The following EDIL3 variants were observed in gnomAD, a reference collection of about 807,000 sequenced individuals.
EDIL3 encodes the protein EGF like and discoidin domains 3, also known as EGF-like repeat and discoidin I-like domain-containing protein 3.
A neutral mutation model predicts 67.4 loss-of-function variants in EDIL3; 37 were observed. That is an observed-to-expected ratio of 0.55 (90% CI 0.42 to 0.72). The LOEUF (loss-of-function observed/expected upper bound fraction) is 0.72, where lower values mean the gene tolerates loss of function less well. EDIL3 is among the 30% of genes least tolerant of loss of function. EDIL3 has a pLI of 0.00. For missense variants in EDIL3, 527 were observed against 586.3 expected, an observed-to-expected ratio of 0.90 and a Z score of 1.04; for synonymous variants, 195 against 196.3, an observed-to-expected ratio of 0.99 and a Z score of 0.05.
chr5:84,005,881 A>C (rs1394324089), intron 9 of EDIL3, among the ~76,000 whole-genome samples: 4 of 151,942 alleles, frequency 2.6e-5, no homozygotes, highest in African/African-American at 9.7e-5. Context: ...AAGTTAAACT[A>C]TCTCTCCTCG....
Position 84,143,315 on chromosome 5 carries a change from G to T in EDIL3, c.356-5961C>A, listed in dbSNP as rs117149117. 2.6e-4 allele frequency among the ~76,000 whole-genome samples: 40 copies of T among 151,960 alleles called. 2 individuals carry two copies. The East Asian group carries it at 7.6e-3, about 29-fold the overall frequency. ...TATTACTAGTAATTCATTTTAAAGTGGCTAATTAAAATCAGCATTATTCAG... is the reference window on the plus strand; with the variant it reads ...TATTACTAGTAATTCATTTTAAAGTTGCTAATTAAAATCAGCATTATTCAG... On this transcript the variant is annotated intron_variant, in intron 4 of 10. Transcript: ENST00000296591.
chr5:83,976,725 A>G (rs2112144124), intron 9 of EDIL3, among the ~76,000 whole-genome samples: 1 of 151,768 alleles, frequency 6.6e-6, no homozygotes, highest in South Asian at 2.1e-4. Context: ...CTCCCCACCA[A>G]GTATACTCAA....
chr5:84,060,495 A>G lies in EDIL3; in HGVS notation c.953-11T>C, dbSNP rs777020160. Reference sequence around the variant, plus strand: ...GAGGCTCAGAACAACCTGAAAGAAAATGAGAAGGGCTCCATGAGAAAAATA... The same window carrying G: ...GAGGCTCAGAACAACCTGAAAGAAAGTGAGAAGGGCTCCATGAGAAAAATA... On this transcript the variant is annotated splice_polypyrimidine_tract_variant and intron_variant, in intron 8 of 10. Coordinates refer to ENST00000296591, the MANE Select transcript of EDIL3 (RefSeq NM_005711.5). 1.2e-6 allele frequency: 2 copies of G among 1,612,772 alleles called. No individual in the cohort carries two copies. The highest frequency in any genetic ancestry group is 1.3e-5 in the African/African-American group (1 of 74,962).
At chr5:83,943,653 C>T (rs1184287098) in intron 10 of EDIL3, 85 bp from the exon 11 acceptor site, 5 of 1,490,482 alleles carry the variant, frequency 3.4e-6, no homozygotes, top group Non-Finnish European at 4.5e-6. Context: ...AACATTTTCC[C>T]CAAACATGAT....
intron 9 of EDIL3, among the ~76,000 whole-genome samples, chr5:83,968,831 G>A (rs1041976464): frequency 6.6e-6 from 1 of 151,852 alleles, no homozygotes; most frequent in Non-Finnish European, 1.5e-5. Flanking sequence ...TTTTCACTGA[G>A]AATGGGAGGT....
chr5:84,239,116 C>T (rs969756038), intron 2 of EDIL3, among the ~76,000 whole-genome samples: 1 of 152,094 alleles, frequency 6.6e-6, no homozygotes, highest in Non-Finnish European at 1.5e-5. Flanking sequence ...ACTAATGAGG[C>T]CCATTCTTTG....
At chr5:84,219,097 G>A (rs1166213658) in intron 3 of EDIL3, among the ~76,000 whole-genome samples, 1 of 152,196 alleles carries the variant, frequency 6.6e-6, no homozygotes, top group African/African-American at 2.4e-5. Context: ...CTATCCCAGT[G>A]TTGGTGGCCA....
chr5:84,350,746 G>A (rs1370359481), intron 1 of EDIL3, among the ~76,000 whole-genome samples: 1 of 151,806 alleles, frequency 6.6e-6, no homozygotes, highest in Non-Finnish European at 1.5e-5. Context: ...TCATACTCTA[G>A]CCCAGCATTG....
Position 84,074,950 on chromosome 5 carries a change from G to A in EDIL3, c.652-8344C>T, listed in dbSNP as rs940990191. On this transcript the variant is annotated intron_variant, in intron 6 of 10. Coordinates refer to ENST00000296591, the MANE Select transcript of EDIL3 (RefSeq NM_005711.5). The stretch of plus-strand genomic sequence containing the variant: ...AATAGCAAAGACTTGGAACCAACCC[G>A]AATGTCCAACAATGATAGACTGGAT... Among the ~76,000 whole-genome samples the A allele has an allele frequency of 4.5e-3, 687 of 152,182 alleles. 3 individuals carry two copies. Among genetic ancestry groups the A allele is most frequent in the African/African-American group, 0.016 (662 of 41,498 alleles).
chr5:84,080,298 C>CAAAAAAAAAAAAAAAAAAAAA (rs369961167), intron 6 of EDIL3, among the ~76,000 whole-genome samples: 4 of 54,270 alleles, frequency 7.4e-5, no homozygotes, highest in African/African-American at 3.3e-4. Context: ...GACTCTGTCT[C>CAAAAAAAAAAAAAAAAAAAAA]AAAAAAAAAA....
rs1053984384 is a variant in EDIL3, at chr5:84,074,221, G to A, written c.652-7615C>T. ...TTCAAGACGGATTAAAGACTTAAATGTTAGACCTAAAACCATAAACACCCG... is the reference window on the plus strand; with the variant it reads ...TTCAAGACGGATTAAAGACTTAAATATTAGACCTAAAACCATAAACACCCG... On this transcript the variant is annotated intron_variant, in intron 6 of 10. Coordinates refer to ENST00000296591, the MANE Select transcript of EDIL3 (RefSeq NM_005711.5). Among the ~76,000 whole-genome samples the A allele has an allele frequency of 1.5e-3, 223 of 144,812 alleles. 4 individuals carry two copies. The highest frequency in any genetic ancestry group is 2.5e-3 in the Non-Finnish European group (168 of 66,828).
At chr5:84,266,217 C>T (rs1745342945) in intron 1 of EDIL3, among the ~76,000 whole-genome samples, 4 of 152,120 alleles carry the variant, frequency 2.6e-5, no homozygotes. Context: ...CTATCAATAG[C>T]CTCACTGCAT....
intron 1 of EDIL3, among the ~76,000 whole-genome samples, chr5:84,254,556 T>G (rs1192471402): frequency 6.6e-6 from 1 of 152,186 alleles, no homozygotes; most frequent in African/African-American, 2.4e-5. Context: ...CTCTAATAAA[T>G]ACCTTCTTTA....
chr5:84,000,268 T>C (rs1385992310), intron 9 of EDIL3, among the ~76,000 whole-genome samples: 2 of 152,130 alleles, frequency 1.3e-5, no homozygotes, highest in African/African-American at 4.8e-5. Flanking sequence ...AACACTGTAA[T>C]TGTAGTGTAT....
Position 84,160,819 on chromosome 5 carries a change from C to CCTTT in EDIL3, c.355+19573_355+19574insAAAG, listed in dbSNP as rs1258829510. 3.1e-3 allele frequency among the ~76,000 whole-genome samples: 215 copies of CCTTT among 69,038 alleles called. 3 individuals are homozygous for CCTTT. Among genetic ancestry groups the CCTTT allele is most frequent in the African/African-American group, 1.0e-2 (159 of 15,918 alleles). The allele number at this position is 69,038 out of a possible 152,430, so 45.3% of individuals were successfully genotyped here. Reference sequence around the variant, plus strand: ...CCTTTCCTTTCCTTTCCTTTCCTTTCCCTTTCCTTTTCCTTTCCTTTTCCT... The same window carrying CCTTT: ...CCTTTCCTTTCCTTTCCTTTCCTTTCCTTTCCTTTCCTTTTCCTTTCCTTTTCCT... On this transcript the variant is annotated intron_variant, in intron 4 of 10. Transcript: ENST00000296591.
At chr5:84,329,124 TA>T (rs1204884442) in intron 1 of EDIL3, among the ~76,000 whole-genome samples, 1 of 152,110 alleles carries the variant, frequency 6.6e-6, no homozygotes, top group Non-Finnish European at 1.5e-5. Context: ...AAAAAATTGT[TA>T]TTTTTTTGTT....
chr5:84,237,867 C>T (rs1487620651), intron 2 of EDIL3, among the ~76,000 whole-genome samples: 2 of 151,920 alleles, frequency 1.3e-5, no homozygotes, highest in African/African-American at 4.8e-5. Flanking sequence ...ATAAAGTTAC[C>T]ATTAACAGAG....
chr5:84,238,528 C>T (rs1277596599), intron 2 of EDIL3, among the ~76,000 whole-genome samples: 1 of 151,912 alleles, frequency 6.6e-6, no homozygotes, highest in Non-Finnish European at 1.5e-5. Context: ...AGGACACTAA[C>T]CATAAGAAAT....
At chr5:84,260,910 A>T (rs1745213434) in intron 1 of EDIL3, among the ~76,000 whole-genome samples, 1 of 152,198 alleles carries the variant, frequency 6.6e-6, no homozygotes, top group Non-Finnish European at 1.5e-5. Context: ...ATATCTCAAC[A>T]AACTAAATGT....
Sources: allele counts gnomAD v4.1 joint callset (sites outside exome capture counted in the v4.1 genomes callset), GRCh38; gene constraint gnomAD v4.1.1; transcripts MANE v1.5; gene names NCBI Gene and HGNC (gene_info 2026-07-23, HGNC 2026-07-21).